Variants in TPST1 observed in about 807,000 individuals in gnomAD.
The protein encoded by TPST1 is protein-tyrosine sulfotransferase 1.
A neutral mutation model predicts 34.8 loss-of-function variants in TPST1; 20 were observed. The ratio of observed to expected loss-of-function variants is 0.57; its 90% confidence interval spans 0.40 to 0.84. The LOEUF is 0.84. Among genes scored for constraint, TPST1 ranks in the 40% least tolerant of loss-of-function variants. The pLI is 0.00. For missense variants in TPST1, 353 were observed against 455.5 expected, an observed-to-expected ratio of 0.78 and a Z score of 2.05; for synonymous variants, 152 against 159.4, an observed-to-expected ratio of 0.95 and a Z score of 0.35.
chr7:66,227,405 T>TTTAA (rs908464737), intron 1 of TPST1, among the ~76,000 whole-genome samples: 9 of 152,084 alleles, frequency 5.9e-5, no homozygotes, highest in Non-Finnish European at 8.8e-5. Flanking sequence ...AATCTTTTTG[T>TTTAA]TTAATTAATT....
intron 1 of TPST1, among the ~76,000 whole-genome samples, chr7:66,212,933 C>T (rs906641422): frequency 1.2e-4 from 18 of 152,110 alleles, no homozygotes; most frequent in Non-Finnish European, 2.5e-4. Flanking sequence ...GAAACCCTGT[C>T]ATTAGAATTC....
intron 2 of TPST1, among the ~76,000 whole-genome samples, chr7:66,241,667 G>A (rs908470668): frequency 9.9e-5 from 15 of 152,064 alleles, no homozygotes; most frequent in Non-Finnish European, 2.1e-4. Context: ...GCTTTTGTGT[G>A]GATTAAGGTT....
At chr7:66,276,488 G>A (rs1189578835) in intron 2 of TPST1, among the ~76,000 whole-genome samples, 3 of 149,740 alleles carry the variant, frequency 2.0e-5, no homozygotes, top group Non-Finnish European at 4.4e-5. Context: ...ATTCTCCTGC[G>A]TCAGCCTCTC....
At chr7:66,221,746 C>G (rs1311489420) in intron 1 of TPST1, 1 of 152,120 alleles carries the variant, frequency 6.6e-6, no homozygotes, top group Non-Finnish European at 1.5e-5. Context: ...ACAGAGTTGA[C>G]TTTTTAAAAT....
intron 3 of TPST1, among the ~76,000 whole-genome samples, chr7:66,296,753 A>T (rs1040516606): frequency 2.9e-5 from 4 of 137,438 alleles, no homozygotes; most frequent in African/African-American, 1.1e-4. Context: ...TTAGGGACAT[A>T]TTACCCAATA....
Position 66,257,768 on chromosome 7 carries a change from T to A in TPST1, c.845+16498T>A, listed in dbSNP as rs1274384366. Among the ~76,000 whole-genome samples the A allele has an allele frequency of 2.0e-5, 3 of 152,304 alleles. No individual in the cohort carries two copies. The East Asian group carries it at 5.8e-4, about 29-fold the overall frequency. ...ATGGCTGAGGGACAATGTTCTTAAG[T>A]TTCCTAGAGCCCCTGTTGTTGAGTC... On this transcript the variant is annotated intron_variant, in intron 2 of 5. Transcript: ENST00000304842.
intron 1 of TPST1, among the ~76,000 whole-genome samples, chr7:66,231,121 A>G (rs1213429654): frequency 6.6e-6 from 1 of 152,172 alleles, no homozygotes; most frequent in Non-Finnish European, 1.5e-5. Context: ...CAGAGCAGCT[A>G]GATACAGAGT....
At chr7:66,280,606 T>A (rs771268782) in intron 2 of TPST1, among the ~76,000 whole-genome samples, 1 of 152,178 alleles carries the variant, frequency 6.6e-6, no homozygotes, top group Non-Finnish European at 1.5e-5. Flanking sequence ...GATGCCTTTA[T>A]TTTTCTTACT....
At chr7:66,297,543 G>A (rs1178046974) in intron 3 of TPST1, among the ~76,000 whole-genome samples, 1 of 152,170 alleles carries the variant, frequency 6.6e-6, no homozygotes, top group Non-Finnish European at 1.5e-5. Flanking sequence ...TAAAGTTAGA[G>A]AGCTGAAAAG....
At chr7:66,340,071 C>T (rs754260471) in intron 3 of TPST1, among the ~76,000 whole-genome samples, 5 of 152,062 alleles carry the variant, frequency 3.3e-5, no homozygotes, top group Admixed American at 6.6e-5. Context: ...TGTAGTGGCT[C>T]ATGCCTGTAA....
chr7:66,340,937 G>A (rs1584253922), intron 3 of TPST1, among the ~76,000 whole-genome samples: 1 of 152,110 alleles, frequency 6.6e-6, no homozygotes, highest in African/African-American at 2.4e-5. Flanking sequence ...CTTGAACCTG[G>A]GAGGCAGAGG....
At chr7:66,204,832 T>G (rs1193934094), upstream of TPST1, among the ~76,000 whole-genome samples, 1 of 152,264 alleles carries the variant, frequency 6.6e-6, no homozygotes, top group Non-Finnish European at 1.5e-5. Flanking sequence ...TATTTGCATT[T>G]GCGCGTTATC....
chr7:66,305,983 G>A (rs952302173), intron 3 of TPST1, among the ~76,000 whole-genome samples: 19 of 152,176 alleles, frequency 1.2e-4, no homozygotes, highest in African/African-American at 3.9e-4. Flanking sequence ...CCTTGATTCC[G>A]CCTCTGTCCA....
chr7:66,207,139 A>G (rs998761046), intron 1 of TPST1, among the ~76,000 whole-genome samples: 3 of 152,172 alleles, frequency 2.0e-5, no homozygotes, highest in Non-Finnish European at 4.4e-5. Flanking sequence ...GGCAAAAATC[A>G]TATAACTAAA....
chr7:66,275,672 C>T (rs1790794715), intron 2 of TPST1, among the ~76,000 whole-genome samples: 1 of 152,156 alleles, frequency 6.6e-6, no homozygotes, highest in Non-Finnish European at 1.5e-5. Flanking sequence ...CTAAAAAAGT[C>T]AAATTCATAG....
At chr7:66,320,219 GTTTC>G (rs1242654668) in intron 3 of TPST1, among the ~76,000 whole-genome samples, 2 of 148,274 alleles carry the variant, frequency 1.3e-5, no homozygotes, top group Non-Finnish European at 3.0e-5. Context: ...TTTGTGTCTG[GTTTC>G]TTTCTTTCTT....
chr7:66,322,927 T>G (rs1791787182), intron 3 of TPST1, among the ~76,000 whole-genome samples: 1 of 152,096 alleles, frequency 6.6e-6, no homozygotes, highest in Non-Finnish European at 1.5e-5. Flanking sequence ...TTTTATTTTT[T>G]TATTTTTTAT....
At chr7:66,295,242 C>G (rs7791891) in intron 3 of TPST1, among the ~76,000 whole-genome samples, 90,390 of 152,058 alleles carry the variant, frequency 0.59, 27,220 homozygotes, top group African/African-American at 0.68. Flanking sequence ...CGCCTGTAAT[C>G]CCAGCATTTT....
At chr7:66,229,885 C>G (rs1253134243) in intron 1 of TPST1, among the ~76,000 whole-genome samples, 1 of 152,118 alleles carries the variant, frequency 6.6e-6, no homozygotes, top group Non-Finnish European at 1.5e-5. Context: ...TCCCTACTAT[C>G]TAGGTTTAGA....
Sources: allele counts gnomAD v4.1 joint callset (sites outside exome capture counted in the v4.1 genomes callset), GRCh38; gene constraint gnomAD v4.1.1; transcripts MANE v1.5; gene names NCBI Gene and HGNC (gene_info 2026-07-23, HGNC 2026-07-21).